ARNT2: variants seen among roughly 807,000 people sequenced by gnomAD.
The protein encoded by ARNT2 is ARNT protein 2.
A neutral mutation model predicts 91.7 loss-of-function variants in ARNT2; 36 were observed. That is an observed-to-expected ratio of 0.39 (90% confidence interval 0.30 to 0.52). The LOEUF (loss-of-function observed/expected upper bound fraction) is 0.52. Among genes scored for constraint, ARNT2 ranks in the 20% least tolerant of loss-of-function variants. The probability of loss-of-function intolerance (pLI) is 0.72; values close to 1 mark genes in which losing one functional copy is unlikely to be tolerated. For synonymous variants in ARNT2, 365 were observed against 347.1 expected, an observed-to-expected ratio of 1.05 and a Z score of -0.57; for missense variants, 775 against 939.3, an observed-to-expected ratio of 0.83 and a Z score of 2.29.
chr15:80,407,252 C>T (rs542138333), intron 1 of ARNT2, among the ~76,000 whole-genome samples: 2 of 152,208 alleles, frequency 1.3e-5, no homozygotes, highest in Admixed American at 6.5e-5. Flanking sequence ...TTTTTCCCAG[C>T]TGACCACTTC....
intron 15 of ARNT2, among the ~76,000 whole-genome samples, chr15:80,577,303 A>G (rs1345923908): frequency 3.3e-5 from 5 of 152,232 alleles, no homozygotes; most frequent in African/African-American, 1.2e-4. Flanking sequence ...AGCAGGAAGT[A>G]TCCTGTCATC....
At chr15:80,465,387 CTG>C (rs1353985596) in intron 3 of ARNT2, among the ~76,000 whole-genome samples, 1 of 152,084 alleles carries the variant, frequency 6.6e-6, no homozygotes, top group Non-Finnish European at 1.5e-5. Flanking sequence ...TTCAGCAGGT[CTG>C]TTGTTTGGAC....
At position 80,591,523 on chromosome 15, in the gene ARNT2, C is replaced by T. The variant is rs370225476; in HGVS notation, c.1919-45C>T. The T allele has an allele frequency of 3.3e-5, 53 of 1,609,730 alleles. 1 individual carries two copies. Among genetic ancestry groups the T allele is most frequent in the Admixed American group, 2.5e-4 (15 of 59,898 alleles). On this transcript the variant is annotated intron_variant, in intron 17 of 18. Coordinates refer to ENST00000303329, the MANE Select transcript of ARNT2 (RefSeq NM_014862.4). The surrounding 1 kb of genome is among the most constrained non-coding windows in gnomAD (Gnocchi z 5.1). ...GTGGTTCTTAGGTCTCACAGAACCACGGGATGGCTTTTAAAGGAAGTGTCC... is the reference window on the plus strand; with the variant it reads ...GTGGTTCTTAGGTCTCACAGAACCATGGGATGGCTTTTAAAGGAAGTGTCC...
chr15:80,410,161 G>A (rs1460648592), intron 1 of ARNT2, among the ~76,000 whole-genome samples: 1 of 152,216 alleles, frequency 6.6e-6, no homozygotes, highest in Admixed American at 6.5e-5. Context: ...TTAGGTCAGG[G>A]GCTGTCAGTA....
chr15:80,457,365 A>G lies in ARNT2; in HGVS notation c.147-564A>G, dbSNP rs373059411. Among the ~76,000 whole-genome samples, 4 of 152,142 alleles carry G rather than the reference A, an allele frequency of 2.6e-5. No individual in the cohort carries two copies. The East Asian group carries it at 5.8e-4, about 22-fold the overall frequency. On this transcript the variant is annotated intron_variant, in intron 2 of 18. Transcript: ENST00000303329. ...TGGATTTAATAGGGCAAAGTCTTAA[A>G]TGTCCTTTTCACTTTGACTCATCAA...
At chr15:80,592,978 G>A (rs1167128681) in intron 18 of ARNT2, among the ~76,000 whole-genome samples, 1 of 152,190 alleles carries the variant, frequency 6.6e-6, no homozygotes, top group Non-Finnish European at 1.5e-5. Flanking sequence ...AAACTTATTT[G>A]TCCACAGAAT....
At chr15:80,428,553 A>C (rs574391928) in intron 1 of ARNT2, among the ~76,000 whole-genome samples, 98 of 152,312 alleles carry the variant, frequency 6.4e-4, no homozygotes, top group African/African-American at 2.2e-3. Flanking sequence ...TAAATGTAGA[A>C]ACTGCGTCCG....
In ARNT2 at chr15:80,404,468, G is replaced by A; in HGVS notation, c.-48G>A. The A allele has an allele frequency of 2.5e-6, 3 of 1,192,386 alleles. No individual in the cohort carries two copies. The highest frequency in any genetic ancestry group is 1.7e-5 in the South Asian group (1 of 58,682). The allele number at this position is 1,192,386 out of a possible 1,614,324, so 73.9% of individuals were successfully genotyped here. ...GGGGCTGAGCGCCGGGCTCCGCGCC[G>A]CCCCTCCCGCGCCCCTGCCAAGCGG... On this transcript the variant is annotated 5_prime_UTR_variant, in exon 1 of 19. Transcript: ENST00000303329. The surrounding 1 kb of genome is among the most constrained non-coding windows in gnomAD (Gnocchi z 5.5).
chr15:80,480,202 C>T (rs1445311796), intron 5 of ARNT2, among the ~76,000 whole-genome samples: 1 of 152,058 alleles, frequency 6.6e-6, no homozygotes, highest in Non-Finnish European at 1.5e-5. Context: ...GGCCTAAGCC[C>T]CAGCTCTCTG....
At chr15:80,475,382 G>A (rs761803023) in intron 5 of ARNT2, 159 bp downstream of exon 5, 100 of 734,628 alleles carry the variant, frequency 1.4e-4, no homozygotes, top group Middle Eastern at 4.1e-4. Context: ...GTGAAACCCC[G>A]TCTCTACAAA....
intron 4 of ARNT2, among the ~76,000 whole-genome samples, chr15:80,472,757 G>A (rs934380112): frequency 6.6e-6 from 1 of 152,202 alleles, no homozygotes; most frequent in South Asian, 2.1e-4. Context: ...AAGGCAACAA[G>A]CATAGACTGT....
rs267604340 is a variant in ARNT2, at chr15:80,593,685, C to G, written c.2141C>G (p.Pro714Arg). 6.2e-7 allele frequency: 1 copy of G among 1,604,264 alleles called. No individual in the cohort carries two copies. The highest frequency in any genetic ancestry group is 1.7e-5 in the Admixed American group (1 of 59,226). Residue 714 changes from proline (P) to arginine (R), a missense_variant, in exon 19 of 19, where the codon CCG (proline) becomes CGG (arginine). This residue lies in a region of ARNT2 where 325 missense variants were observed against 359.9 expected (regional missense o/e 0.90). Transcript: ENST00000303329. ...TTTGCCGACCTGGGCATGTTTCCAC[C>G]GTTTTCTGAGTAGCTGCGGCCAGAG... ...EDFADLGMFP[P>R]FSE
At chr15:80,477,567 G>T (rs1248004464) in intron 5 of ARNT2, among the ~76,000 whole-genome samples, 1 of 152,152 alleles carries the variant, frequency 6.6e-6, no homozygotes, top group Non-Finnish European at 1.5e-5. Context: ...ATTTGGAGAT[G>T]GCCACCTTCT....
At chr15:80,573,983 T>C (rs1898625578) in intron 12 of ARNT2, 165 bp from the exon 13 acceptor site, 1 of 600,832 alleles carries the variant, frequency 1.7e-6, no homozygotes, top group Non-Finnish European at 2.9e-6. Context: ...ATGTCTGGAG[T>C]CTTGATTTAG....
intron 1 of ARNT2, among the ~76,000 whole-genome samples, chr15:80,443,202 T>A (rs1170378044): frequency 6.6e-6 from 1 of 152,134 alleles, no homozygotes; most frequent in Non-Finnish European, 1.5e-5. Context: ...TATGCAAAGG[T>A]CCTGGGGTCA....
chr15:80,475,305 A>C, intron 5 of ARNT2, 82 bp downstream of exon 5: 1 of 1,451,138 alleles, frequency 6.9e-7, no homozygotes, highest in South Asian at 1.2e-5. Flanking sequence ...CTGTAATCCC[A>C]GTACTTTGGG....
At chr15:80,498,862 T>C (rs1319182174) in intron 5 of ARNT2, among the ~76,000 whole-genome samples, 1 of 152,118 alleles carries the variant, frequency 6.6e-6, no homozygotes, top group Non-Finnish European at 1.5e-5. Flanking sequence ...GTTCGGTGGG[T>C]GCCGTCTTAT....
At chr15:80,413,877 C>T (rs1895737133) in intron 1 of ARNT2, among the ~76,000 whole-genome samples, 1 of 152,168 alleles carries the variant, frequency 6.6e-6, no homozygotes. Context: ...AGTAAGGCAA[C>T]TTCCTGCCTG....
chr15:80,513,721 CAAAAAAAAAAA>C (rs36113299), intron 6 of ARNT2, among the ~76,000 whole-genome samples, 179 bp from the exon 7 acceptor site: 3 of 100,942 alleles, frequency 3.0e-5, no homozygotes, highest in African/African-American at 1.1e-4. Context: ...TCTTCAGTCA[CAAAAAAAAAAA>C]AAAAAAAAAA....
Sources: allele counts gnomAD v4.1 joint callset (sites outside exome capture counted in the v4.1 genomes callset), GRCh38; gene constraint gnomAD v4.1.1; regional missense constraint gnomAD v4.1.1; non-coding constraint Gnocchi (gnomAD v3.1); transcripts MANE v1.5; gene names NCBI Gene and HGNC (gene_info 2026-07-23, HGNC 2026-07-21).